The following FHIT variants were observed in gnomAD, a reference collection of about 807,000 sequenced individuals.
The protein encoded by FHIT is fragile histidine triad diadenosine triphosphatase, also known as bis(5'-adenosyl)-triphosphatase.
A neutral mutation model predicts 17.9 loss-of-function variants in FHIT; 19 were observed. The ratio of observed to expected loss-of-function variants is 1.06; its 90% CI spans 0.74 to 1.56. The LOEUF (loss-of-function observed/expected upper bound fraction) is 1.56. Among genes scored for constraint, FHIT ranks in the 40% most tolerant of loss-of-function variants. FHIT has a pLI of 0.00. For missense variants in FHIT, 248 were observed against 189.2 expected (o/e 1.31, Z -1.82); for synonymous variants, 81 against 69.7 (o/e 1.16, Z -0.81).
intron 5 of FHIT, among the ~76,000 whole-genome samples, chr3:60,191,862 G>C (rs368438387): frequency 1.2e-4 from 19 of 152,080 alleles, no homozygotes; most frequent in Admixed American, 2.0e-4. Context: ...AAACCCAAAA[G>C]AAAAGACTAA....
intron 4 of FHIT, among the ~76,000 whole-genome samples, chr3:60,775,007 T>C (rs1047235343): frequency 2.0e-5 from 3 of 152,250 alleles, no homozygotes; most frequent in Admixed American, 1.3e-4. Flanking sequence ...TGTATTACTA[T>C]GCCCATCTTT....
At chr3:60,061,780 TA>T (rs1179025830) in intron 5 of FHIT, among the ~76,000 whole-genome samples, 2 of 152,078 alleles carry the variant, frequency 1.3e-5, no homozygotes, top group African/African-American at 4.8e-5. Context: ...TTCTTTCAAA[TA>T]AGGTGAATAG....
chr3:61,199,275 A>C (rs1015854474), intron 2 of FHIT, among the ~76,000 whole-genome samples: 3 of 152,230 alleles, frequency 2.0e-5, no homozygotes, highest in Non-Finnish European at 4.4e-5. Context: ...GTGCCAAAAG[A>C]TTACAAAGTT....
At chr3:60,397,333 A>G (rs1261633799) in intron 5 of FHIT, among the ~76,000 whole-genome samples, 1 of 152,162 alleles carries the variant, frequency 6.6e-6, no homozygotes, top group Non-Finnish European at 1.5e-5. Flanking sequence ...CCAGACCATG[A>G]TGCTAATGCT....
intron 8 of FHIT, among the ~76,000 whole-genome samples, chr3:59,889,866 G>A (rs1397558182): frequency 9.9e-5 from 15 of 152,146 alleles, no homozygotes. Context: ...CTGGAAAAGG[G>A]TATTGTTCTT....
At chr3:59,990,745 G>A (rs184846638) in intron 7 of FHIT, among the ~76,000 whole-genome samples, 4 of 152,018 alleles carry the variant, frequency 2.6e-5, no homozygotes, top group Non-Finnish European at 4.4e-5. Context: ...AACAATGAGA[G>A]GGTTTTTATT....
chr3:60,195,456 C>G (rs1222490140), intron 5 of FHIT, among the ~76,000 whole-genome samples: 1 of 150,026 alleles, frequency 6.7e-6, no homozygotes, highest in African/African-American at 2.4e-5. Context: ...GACACCTGCA[C>G]ACATATATTT....
chr3:61,192,535 C>T (rs2038746388), intron 2 of FHIT, among the ~76,000 whole-genome samples: 2 of 152,194 alleles, frequency 1.3e-5, no homozygotes, highest in South Asian at 2.1e-4. Flanking sequence ...AGCAGGTAGA[C>T]TTGCAGAGGG....
intron 1 of FHIT, among the ~76,000 whole-genome samples, chr3:61,215,323 C>T (rs111808392): frequency 0.039 from 5,953 of 151,994 alleles, 137 homozygotes; most frequent in Admixed American, 0.068. Flanking sequence ...TCTCAGGATA[C>T]AAAATCAATG....
At chr3:60,576,594 G>A (rs17063532) in intron 4 of FHIT, among the ~76,000 whole-genome samples, 12,925 of 152,074 alleles carry the variant, frequency 0.085, 710 homozygotes, top group African/African-American at 0.16. Context: ...ATTCCATGAC[G>A]TTAATCAATT....
At chr3:60,981,142 A>C (rs1024477769) in intron 3 of FHIT, among the ~76,000 whole-genome samples, 6 of 152,194 alleles carry the variant, frequency 3.9e-5, no homozygotes, top group Non-Finnish European at 8.8e-5. Context: ...CATGAAAGCC[A>C]TGCTGGGATG....
At chr3:59,846,258 ATTC>A (rs1349898797) in intron 8 of FHIT, among the ~76,000 whole-genome samples, 1 of 151,830 alleles carries the variant, frequency 6.6e-6, no homozygotes, top group Non-Finnish European at 1.5e-5. Flanking sequence ...TTTTCTGTAT[ATTC>A]TTTAGCTGTT....
At chr3:60,467,265 G>A (rs1269690832) in intron 5 of FHIT, among the ~76,000 whole-genome samples, 1 of 150,712 alleles carries the variant, frequency 6.6e-6, no homozygotes, top group Non-Finnish European at 1.5e-5. Flanking sequence ...CTGAAGATTT[G>A]TCAATTTGAT....
chr3:60,407,067 A>ATTTTTTTTTTTTTTT (rs34542104), intron 5 of FHIT, among the ~76,000 whole-genome samples: 1 of 62,878 alleles, frequency 1.6e-5, no homozygotes, highest in African/African-American at 7.0e-5. Context: ...CCTGCCAATA[A>ATTTTTTTTTTTTTTT]TTTTTTTTTT....
At chr3:60,213,859 AATG>A (rs1243669637) in intron 5 of FHIT, among the ~76,000 whole-genome samples, 1 of 152,210 alleles carries the variant, frequency 6.6e-6, no homozygotes, top group Admixed American at 6.5e-5. Flanking sequence ...TCAATTTGAA[AATG>A]ATATCCTTAG....
At chr3:60,332,150 C>G (rs1710008926) in intron 5 of FHIT, among the ~76,000 whole-genome samples, 1 of 152,170 alleles carries the variant, frequency 6.6e-6, no homozygotes, top group Non-Finnish European at 1.5e-5. Context: ...GTATTCACAG[C>G]TACCCCAGAA....
At chr3:60,461,702 G>T (rs1002859172) in intron 5 of FHIT, among the ~76,000 whole-genome samples, 4 of 152,090 alleles carry the variant, frequency 2.6e-5, no homozygotes. Flanking sequence ...AGCATTCCAA[G>T]TTGGTCTCTC....
intron 7 of FHIT, among the ~76,000 whole-genome samples, chr3:59,984,107 C>T (rs1394198170): frequency 6.6e-6 from 1 of 152,144 alleles, no homozygotes; most frequent in South Asian, 2.1e-4. Flanking sequence ...AACTCAGTCA[C>T]TGAGAATTGG....
chr3:59,785,303 C>T (rs1018967177), intron 8 of FHIT, among the ~76,000 whole-genome samples: 2 of 121,144 alleles, frequency 1.7e-5, no homozygotes, highest in Non-Finnish European at 3.3e-5. Context: ...ATTAGTGATG[C>T]AATCTTGCCT....
Sources: gnomAD v4.1 joint callset for allele counts (sites outside exome capture counted in the v4.1 genomes callset) on GRCh38, gnomAD v4.1.1 for gene constraint, MANE v1.5 for transcripts, NCBI Gene and HGNC (gene_info 2026-07-23, HGNC 2026-07-21) for gene names.